CBL: variants seen among roughly 807,000 people sequenced by gnomAD.
CBL encodes the protein E3 ubiquitin-protein ligase CBL.
CBL carries 45 observed loss-of-function variants against 96.9 expected under a neutral mutation model. The observed-to-expected ratio is 0.46, with a 90% CI of 0.37 to 0.60. The LOEUF is 0.60. Among genes scored for constraint, CBL ranks in the 20% least tolerant of loss-of-function variants. The probability of loss-of-function intolerance (pLI) is 0.00; values close to 1 mark genes in which losing one functional copy is unlikely to be tolerated. For missense variants in CBL, 1,024 were observed against 1,143.5 expected (o/e 0.90, Z 1.51); for synonymous variants, 420 against 426.8 (o/e 0.98, Z 0.20).
Position 119,245,956 on chromosome 11 carries a change from C to CTTTTTTTTTTT in CBL, c.443+13285_443+13295dup, listed in dbSNP as rs71048054. Among the ~76,000 whole-genome samples the CTTTTTTTTTTT allele has an allele frequency of 1.1e-3, 58 of 54,302 alleles. 6 individuals are homozygous for CTTTTTTTTTTT. Among genetic ancestry groups the CTTTTTTTTTTT allele is most frequent in the Non-Finnish European group, 1.2e-3 (36 of 29,914 alleles). The allele number at this position is 54,302 out of a possible 152,430, so 35.6% of individuals were successfully genotyped here. A position where few individuals can be genotyped will look rare whatever the true frequency, so the allele number is the denominator to read the frequency against. ...TAAGACAGACGCATTCTTTGCAAAT[C>CTTTTTTTTTTT]TTTTTTTTTTTTTTTTTTTTTTTTT... On this transcript the variant is annotated intron_variant, in intron 2 of 15. Coordinates refer to ENST00000264033, the MANE Select transcript of CBL (RefSeq NM_005188.4).
intron 1 of CBL, among the ~76,000 whole-genome samples, chr11:119,227,709 C>G (rs1949469716): frequency 6.6e-6 from 1 of 152,120 alleles, no homozygotes. Flanking sequence ...GGCCACCACG[C>G]CTGGCTAATT....
chr11:119,206,522 GCACCACCAC>G lies in CBL; in HGVS notation c.119_127del (p.His40_His42del), dbSNP rs373212940. On this transcript the variant is annotated inframe_deletion, in exon 1 of 16. Coordinates refer to ENST00000264033, the MANE Select transcript of CBL (RefSeq NM_005188.4). ...GGCTCATGAAGGACGCCTTCCAGCC[GCACCACCAC>G]CACCACCACCACCTCAGCCCCCACC... 1.5e-5 allele frequency: 24 copies of G among 1,556,406 alleles called. No homozygotes were observed. The highest frequency in any genetic ancestry group is 7.2e-5 in the East Asian group (3 of 41,840).
rs966955715 is a variant in CBL at position 119,300,886 on chromosome 11, A to C, written c.*1105A>C. 2 of 278,134 alleles carry C rather than the reference A, an allele frequency of 7.2e-6. No homozygotes were observed. Among genetic ancestry groups the C allele is most frequent in the Non-Finnish European group, 1.3e-5 (2 of 148,628 alleles). 17.2% of individuals were successfully genotyped at this position (278,134 alleles called of 1,614,324 possible). A position where few individuals can be genotyped will look rare whatever the true frequency, so the allele number is the denominator to read the frequency against. ...GTTCACATGCTATTTAAATGCACAAAATAGACAGTAAGGATTTATCTGTTC... is the reference window on the plus strand; with the variant it reads ...GTTCACATGCTATTTAAATGCACAACATAGACAGTAAGGATTTATCTGTTC... On this transcript the variant is annotated 3_prime_UTR_variant, in exon 16 of 16. Transcript: ENST00000264033.
At chr11:119,260,385 A>C (rs1461904562) in intron 2 of CBL, among the ~76,000 whole-genome samples, 1 of 151,974 alleles carries the variant, frequency 6.6e-6, no homozygotes, top group Admixed American at 6.6e-5. Flanking sequence ...CTGCGACTAC[A>C]GGCACGTGCC....
chr11:119,299,667 C>G lies in CBL; in HGVS notation c.2607C>G (p.Tyr869Ter), dbSNP rs1950087635. 6.2e-7 allele frequency: 1 copy of G among 1,614,078 alleles called. No individual in the cohort carries two copies. Among genetic ancestry groups the G allele is most frequent in the Non-Finnish European group, 8.5e-7 (1 of 1,180,026 alleles). ...SEIENLMSQG[Y>*]SYQDIQKALV... is the part of the protein sequence containing the mutation. ...TCGAGAACCTCATGAGTCAGGGGTACTCCTACCAGGACATCCAGAAAGCTT... is the reference window on the plus strand; with the variant it reads ...TCGAGAACCTCATGAGTCAGGGGTAGTCCTACCAGGACATCCAGAAAGCTT... Residue 869 changes from tyrosine (Y) to a stop codon, truncating the protein, a stop_gained, in exon 16 of 16, where the codon TAC (tyrosine) becomes TAG (stop). Coordinates refer to ENST00000264033, the MANE Select transcript of CBL (RefSeq NM_005188.4). LOFTEE classifies it high-confidence loss of function.
At chr11:119,213,694 C>T (rs1565853860) in intron 1 of CBL, among the ~76,000 whole-genome samples, 1 of 151,968 alleles carries the variant, frequency 6.6e-6, no homozygotes, top group African/African-American at 2.4e-5. Flanking sequence ...GACCAAGTGC[C>T]TATTTTTATT....
chr11:119,241,070 CAAAAATA>C (rs576208683), intron 2 of CBL, among the ~76,000 whole-genome samples: 185 of 151,388 alleles, frequency 1.2e-3, no homozygotes, highest in African/African-American at 3.4e-3. Context: ...GATTCCATCT[CAAAAATA>C]AAAAATAAAA....
chr11:119,215,687 G>A (rs1177753196), intron 1 of CBL, among the ~76,000 whole-genome samples: 1 of 151,288 alleles, frequency 6.6e-6, no homozygotes, highest in Non-Finnish European at 1.5e-5. Context: ...AAAAGCCGAG[G>A]GTTGTGGCAT....
intron 1 of CBL, among the ~76,000 whole-genome samples, chr11:119,213,931 A>G (rs1349908272): frequency 1.3e-5 from 2 of 150,772 alleles, no homozygotes; most frequent in Non-Finnish European, 1.5e-5. Flanking sequence ...GGAGGGGGGC[A>G]TTCATCTTTT....
At position 119,285,576 on chromosome 11, in the gene CBL, A is replaced by G. The variant is rs1238672363; in HGVS notation, c.1941+10A>G. The stretch of plus-strand genomic sequence containing the variant: ...TCTGGATACCTCCATGGTGAGTCTT[A>G]ATTTTGAAACTATCTAACCTGTTAA... On this transcript the variant is annotated intron_variant, in intron 11 of 15. Transcript: ENST00000264033. The G allele has an allele frequency of 1.9e-6, 3 of 1,613,330 alleles. No homozygotes were observed. In the South Asian group the frequency reaches 3.3e-5, roughly 18 times the overall value.
At chr11:119,259,447 G>A (rs1350297942) in intron 2 of CBL, among the ~76,000 whole-genome samples, 6 of 151,834 alleles carry the variant, frequency 4.0e-5, no homozygotes, top group Non-Finnish European at 1.5e-5. Context: ...CTGAAATTTT[G>A]TGTATTTACT....
intron 2 of CBL, among the ~76,000 whole-genome samples, chr11:119,236,595 G>GTATATATATATATATATA (rs71048051): frequency 3.6e-5 from 5 of 137,746 alleles, no homozygotes; most frequent in Non-Finnish European, 3.1e-5. Context: ...CTTCTTTTGA[G>GTATATATATATATATATA]TATATATATA....
intron 12 of CBL, among the ~76,000 whole-genome samples, chr11:119,292,929 C>T (rs1216946485): frequency 6.6e-6 from 1 of 152,110 alleles, no homozygotes; most frequent in Non-Finnish European, 1.5e-5. Flanking sequence ...TTTTGACTTA[C>T]AGTATTTTCG....
intron 1 of CBL, among the ~76,000 whole-genome samples, chr11:119,223,302 G>A (rs1176427427): frequency 1.4e-5 from 2 of 147,434 alleles, no homozygotes; most frequent in Non-Finnish European, 3.0e-5. Context: ...AAAGTGCTGG[G>A]ATTACAGACA....
At chr11:119,288,534 C>G (rs539617066) in intron 12 of CBL, among the ~76,000 whole-genome samples, 3 of 152,060 alleles carry the variant, frequency 2.0e-5, no homozygotes, top group Non-Finnish European at 4.4e-5. Context: ...ATAAGGACAC[C>G]AATGCTACTG....
Position 119,248,665 on chromosome 11 carries a change from T to C in CBL, c.443+15970T>C, listed in dbSNP as rs58667175. Among the ~76,000 whole-genome samples the C allele has an allele frequency of 8.0e-3, 1,217 of 152,314 alleles. 20 individuals carry two copies. The highest frequency in any genetic ancestry group is 0.028 in the African/African-American group (1,161 of 41,580). On this transcript the variant is annotated intron_variant, in intron 2 of 15. Transcript: ENST00000264033. ...CAGACTTCATGAAAATTAAGAACTT[T>C]GTTCATCAAAGGACATATTAAGGAA...
In CBL at chr11:119,285,852, C is replaced by T. The variant is rs376946948; in HGVS notation, c.1941+286C>T. ...CCAAGCTTTCAGTGAGCCATGATGG[C>T]GCCACTGCACTCCAGCCTAGGCAAT... On this transcript the variant is annotated intron_variant, in intron 11 of 15. Transcript: ENST00000264033. 8.7e-4 allele frequency among the ~76,000 whole-genome samples: 131 copies of T among 151,346 alleles called. 1 individual carries two copies. Among genetic ancestry groups the T allele is most frequent in the African/African-American group, 2.9e-3 (119 of 41,142 alleles).
At chr11:119,256,667 T>C (rs1003816069) in intron 2 of CBL, among the ~76,000 whole-genome samples, 1 of 151,808 alleles carries the variant, frequency 6.6e-6, no homozygotes, top group Non-Finnish European at 1.5e-5. Context: ...TAGTGTACAT[T>C]GTACCCAGTA....
intron 1 of CBL, among the ~76,000 whole-genome samples, chr11:119,208,495 T>G (rs1386553591): frequency 6.6e-6 from 1 of 152,000 alleles, no homozygotes; most frequent in African/African-American, 2.4e-5. Context: ...GTTCAAGACA[T>G]TCTCGTGCCT....
Sources: allele counts gnomAD v4.1 joint callset (sites outside exome capture counted in the v4.1 genomes callset), GRCh38; gene constraint gnomAD v4.1.1; transcripts MANE v1.5; gene names NCBI Gene and HGNC (gene_info 2026-07-23, HGNC 2026-07-21).